Variants in TRHDE observed in about 807,000 individuals in gnomAD.
TRHDE encodes the protein thyrotropin releasing hormone degrading enzyme, also known as thyrotropin-releasing hormone-degrading ectoenzyme.
A neutral mutation model predicts 125.7 loss-of-function variants in TRHDE; 72 were observed. That is an observed-to-expected ratio of 0.57 (90% CI 0.47 to 0.70). The LOEUF (loss-of-function observed/expected upper bound fraction) is 0.70. Among genes scored for constraint, TRHDE ranks in the 30% least tolerant of loss-of-function variants. TRHDE has a pLI of 0.00. For missense variants in TRHDE, 1,110 were observed against 1,327.1 expected (o/e 0.84, Z 2.54); for synonymous variants, 509 against 509.1 (o/e 1.00, Z 0.00).
chr12:72,606,409 T>C (rs1872447342), intron 12 of TRHDE, among the ~76,000 whole-genome samples: 1 of 152,162 alleles, frequency 6.6e-6, no homozygotes, highest in Non-Finnish European at 1.5e-5. Flanking sequence ...GCATGGCACG[T>C]GATGCTGAAT....
At chr12:72,087,549 G>T (rs933338233) in intron 1 of TRHDE, 1 of 152,216 alleles carries the variant, frequency 6.6e-6, no homozygotes, top group African/African-American at 2.4e-5. Context: ...AAGTACAGAT[G>T]CAAATGAATG....
chr12:72,273,430 G>C lies in TRHDE; in HGVS notation c.787G>C (p.Val263Leu). The C allele has an allele frequency of 6.2e-7, 1 of 1,614,164 alleles. No individual in the cohort carries two copies. Among genetic ancestry groups the C allele is most frequent in the Non-Finnish European group, 8.5e-7 (1 of 1,180,046 alleles). Reference sequence around the variant, plus strand: ...CCTCTACCCGCAAACCCAGGTCTTAGTGGTGGTGCTGAATAGGACACTGGA... The same window carrying C: ...CCTCTACCCGCAAACCCAGGTCTTACTGGTGGTGCTGAATAGGACACTGGA... ...FFLYPQTQVLVVVLNRTLDAQ... is the reference protein window; with the variant it reads ...FFLYPQTQVLLVVLNRTLDAQ... Residue 263 changes from valine (V) to leucine (L), a missense_variant, in exon 1 of 19, where the codon GTG becomes CTG. Transcript: ENST00000261180. This position sits in a 1 kb window ranked among gnomAD's most constrained non-coding sequence, Gnocchi z 5.3.
intron 2 of TRHDE, among the ~76,000 whole-genome samples, chr12:72,171,240 C>T (rs922212611): frequency 6.7e-6 from 1 of 149,566 alleles, no homozygotes; most frequent in African/African-American, 2.5e-5. Context: ...GAGGCCTTAT[C>T]TAAATGTCCA....
intron 2 of TRHDE, among the ~76,000 whole-genome samples, chr12:72,302,256 G>A (rs950083934): frequency 6.6e-6 from 1 of 151,826 alleles, no homozygotes. Context: ...ATGTGTGTGT[G>A]TGTGTGTGTG....
At chr12:72,476,752 A>G (rs1876913487) in intron 5 of TRHDE, among the ~76,000 whole-genome samples, 1 of 152,220 alleles carries the variant, frequency 6.6e-6, no homozygotes, top group Non-Finnish European at 1.5e-5. Flanking sequence ...TCCATGGACT[A>G]GCAATAAAGA....
At chr12:72,521,827 G>A (rs1397838282) in intron 6 of TRHDE, among the ~76,000 whole-genome samples, 3 of 152,174 alleles carry the variant, frequency 2.0e-5, no homozygotes, top group African/African-American at 7.2e-5. Context: ...TGGAGCCGTT[G>A]AAACTATTTC....
intron 12 of TRHDE, among the ~76,000 whole-genome samples, chr12:72,615,916 G>A (rs992100031): frequency 2.0e-5 from 3 of 152,034 alleles, no homozygotes; most frequent in African/African-American, 2.4e-5. Flanking sequence ...TAAGGAAAAC[G>A]AACATAAAAT....
intron 4 of TRHDE, 37 bp downstream of exon 4, chr12:72,469,949 A>G: frequency 1.3e-6 from 2 of 1,592,474 alleles, no homozygotes; most frequent in African/African-American, 2.7e-5. Flanking sequence ...TATAATGTGA[A>G]AGCTATTGAA....
At chr12:72,468,924 T>C (rs1413297845) in intron 3 of TRHDE, among the ~76,000 whole-genome samples, 2 of 152,200 alleles carry the variant, frequency 1.3e-5, no homozygotes, top group African/African-American at 2.4e-5. Context: ...CATCACTACG[T>C]CTCTGGAGCA....
intron 2 of TRHDE, among the ~76,000 whole-genome samples, chr12:72,357,434 T>G (rs1169881559): frequency 6.6e-6 from 1 of 151,604 alleles, no homozygotes; most frequent in African/African-American, 2.4e-5. Context: ...TCAAAAAATT[T>G]TCCACATGTA....
At chr12:72,505,487 A>G (rs988430952) in intron 6 of TRHDE, among the ~76,000 whole-genome samples, 8 of 152,324 alleles carry the variant, frequency 5.3e-5, no homozygotes, top group Admixed American at 3.3e-4. Context: ...AAATTTACAT[A>G]TGATGCCAAG....
chr12:72,540,252 T>A (rs1469858992), intron 6 of TRHDE, among the ~76,000 whole-genome samples: 1 of 151,742 alleles, frequency 6.6e-6, no homozygotes, highest in Non-Finnish European at 1.5e-5. Context: ...ATGGGTAACA[T>A]AGTCATATTT....
At position 72,575,377 on chromosome 12, in the gene TRHDE, C is replaced by T. The variant is rs138433001; in HGVS notation, c.2254C>T (p.Arg752Trp). 1.4e-4 allele frequency: 218 copies of T among 1,613,258 alleles called. No individual in the cohort carries two copies. Among genetic ancestry groups the T allele is most frequent in the Admixed American group, 1.2e-4 (7 of 59,896 alleles). The change falls in exon 11 of 19, where the codon CGG becomes TGG. Residue 752 changes from arginine to tryptophan, a missense_variant. Arg to Trp is a moderately radical substitution (Grantham distance 101, BLOSUM62 -3). Transcript: ENST00000261180. ...NWRLLIDQLI[R>W]NHEVLSVSNR... The stretch of plus-strand genomic sequence containing the variant: ...GAGATTATTAATTGATCAATTAATC[C>T]GGAATCATGAGGTACACTCCAGATT...
At chr12:72,366,701 C>T (rs1871353149) in intron 2 of TRHDE, among the ~76,000 whole-genome samples, 2 of 151,976 alleles carry the variant, frequency 1.3e-5, no homozygotes, top group South Asian at 4.1e-4. Context: ...CAAAAACCCC[C>T]ATAGTATGTA....
chr12:72,549,342 G>A (rs1004862190), intron 7 of TRHDE, among the ~76,000 whole-genome samples: 1 of 151,784 alleles, frequency 6.6e-6, no homozygotes, highest in African/African-American at 2.4e-5. Flanking sequence ...TTACATGTAG[G>A]TTTTCAGATA....
rs558685094 is a variant in TRHDE, at chr12:72,471,802, T to C, written c.1471-1265T>C. ...AAGAACAGATACTTTACTGTTACTA[T>C]TGAAACTGTCAGCCAAGCTTGTTAA... On this transcript the variant is annotated intron_variant, in intron 4 of 18. Coordinates refer to ENST00000261180, the MANE Select transcript of TRHDE (RefSeq NM_013381.3). Among the ~76,000 whole-genome samples the C allele has an allele frequency of 2.4e-4, 37 of 152,350 alleles. No homozygotes were observed. In the South Asian group the frequency reaches 7.5e-3, roughly 31 times the overall value.
intron 12 of TRHDE, among the ~76,000 whole-genome samples, chr12:72,583,877 C>T: frequency 6.6e-6 from 1 of 150,718 alleles, no homozygotes; most frequent in Non-Finnish European, 1.5e-5. Flanking sequence ...AAGTACAAAT[C>T]TCCTGAGGCA....
intron 3 of TRHDE, among the ~76,000 whole-genome samples, chr12:72,388,984 A>T (rs939652426): frequency 1.3e-5 from 2 of 151,910 alleles, no homozygotes; most frequent in Admixed American, 6.6e-5. Context: ...TACTAGACAC[A>T]GTTCTACTAG....
chr12:72,510,191 T>C (rs1878525722), intron 6 of TRHDE, among the ~76,000 whole-genome samples: 1 of 152,198 alleles, frequency 6.6e-6, no homozygotes, highest in Middle Eastern at 3.4e-3. Flanking sequence ...CAGGTCCTTC[T>C]TAGACTTTGC....
Sources: allele counts gnomAD v4.1 joint callset (sites outside exome capture counted in the v4.1 genomes callset), GRCh38; gene constraint gnomAD v4.1.1; non-coding constraint Gnocchi (gnomAD v3.1); transcripts MANE v1.5; gene names NCBI Gene and HGNC (gene_info 2026-07-23, HGNC 2026-07-21).